TBC1D19: variants seen among roughly 807,000 people sequenced by gnomAD.
The protein encoded by TBC1D19 is TBC1 domain family, member 19.
TBC1D19 carries 60 observed loss-of-function variants against 89.0 expected under a neutral mutation model. That is an observed-to-expected ratio of 0.67 (90% CI 0.55 to 0.84). TBC1D19 has a LOEUF of 0.84. Among genes scored for constraint, TBC1D19 ranks in the 40% least tolerant of loss-of-function variants. The pLI, the probability that TBC1D19 is intolerant of heterozygous loss-of-function variation, is 0.00. For synonymous variants in TBC1D19, 189 were observed against 199.7 expected, an observed-to-expected ratio of 0.95 and a Z score of 0.45; for missense variants, 500 against 610.8, an observed-to-expected ratio of 0.82 and a Z score of 1.91.
At chr4:26,807,363 C>T in the TBC1D19 span, among the ~76,000 whole-genome samples, 64 of 152,350 alleles carry the variant, frequency 4.2e-4, no homozygotes, top group African/African-American at 1.5e-3. Context: ...CGTTGAAACC[C>T]ATCCACTGGT....
Position 26,622,506 on chromosome 4 carries a change from TC to T in TBC1D19, c.294+1820del, listed in dbSNP as rs547451906. 2.0e-5 allele frequency among the ~76,000 whole-genome samples: 3 copies of T among 152,262 alleles called. No individual in the cohort carries two copies. In the South Asian group the frequency reaches 6.2e-4, roughly 32 times the overall value. On this transcript the variant is annotated intron_variant, in intron 4 of 20. Coordinates refer to ENST00000264866, the MANE Select transcript of TBC1D19 (RefSeq NM_018317.4). ...TGAGTGATAGGTACACGTATGATAC[TC>T]CTCTCTTTTCTTTCTGGACTTTCCC...
chr4:26,667,437 A>G (rs887168274), intron 9 of TBC1D19, among the ~76,000 whole-genome samples: 1 of 152,054 alleles, frequency 6.6e-6, no homozygotes, highest in African/African-American at 2.4e-5. Flanking sequence ...TGAACTTCAT[A>G]TGAATAGAAG....
chr4:26,787,324 A>G, the TBC1D19 span, among the ~76,000 whole-genome samples: 1 of 151,790 alleles, frequency 6.6e-6, no homozygotes, highest in South Asian at 2.1e-4. Flanking sequence ...GTGGTCTCAA[A>G]CTCCTGAGCT....
chr4:26,686,763 G>C (rs1225128368), intron 12 of TBC1D19, among the ~76,000 whole-genome samples: 1 of 152,102 alleles, frequency 6.6e-6, no homozygotes, highest in African/African-American at 2.4e-5. Context: ...AGGCTGGACT[G>C]TTTCTTTCTC....
chr4:26,684,598 G>T (rs1713648229), intron 12 of TBC1D19, among the ~76,000 whole-genome samples: 1 of 152,120 alleles, frequency 6.6e-6, no homozygotes, highest in Admixed American at 6.5e-5. Flanking sequence ...AGATTGGTCT[G>T]GTGTAGCTAA....
chr4:26,789,953 G>C, the TBC1D19 span, among the ~76,000 whole-genome samples: 1 of 152,108 alleles, frequency 6.6e-6, no homozygotes, highest in Admixed American at 6.6e-5. Context: ...TTTAAATATT[G>C]CATGTTCTCA....
At chr4:26,851,280 T>A in the TBC1D19 span, among the ~76,000 whole-genome samples, 1 of 132,450 alleles carries the variant, frequency 7.6e-6, no homozygotes, top group South Asian at 2.3e-4. Flanking sequence ...CATAATGGCA[T>A]GAGCCAATTC....
chr4:26,581,439 T>C (rs1415383005), upstream of TBC1D19, among the ~76,000 whole-genome samples: 1 of 152,196 alleles, frequency 6.6e-6, no homozygotes. Context: ...TGTGTTCTCA[T>C]GGCTCGACTC....
chr4:26,695,731 A>G (rs976040827), intron 13 of TBC1D19, among the ~76,000 whole-genome samples: 9 of 152,236 alleles, frequency 5.9e-5, no homozygotes, highest in African/African-American at 2.2e-4. Context: ...AGAATTTTCA[A>G]CCCAGAATTT....
intron 1 of TBC1D19, among the ~76,000 whole-genome samples, chr4:26,593,731 G>A (rs1038000334): frequency 4.6e-5 from 7 of 152,116 alleles, no homozygotes; most frequent in Admixed American, 1.3e-4. Context: ...CAAAAGACAC[G>A]TGAAATAATG....
At chr4:26,796,018 T>A in the TBC1D19 span, among the ~76,000 whole-genome samples, 1 of 152,202 alleles carries the variant, frequency 6.6e-6, no homozygotes, top group African/African-American at 2.4e-5. Context: ...ACACATTGAA[T>A]CTTGCTTCTG....
the TBC1D19 span, among the ~76,000 whole-genome samples, chr4:26,826,780 G>T: frequency 6.6e-6 from 1 of 152,218 alleles, no homozygotes; most frequent in Admixed American, 6.5e-5. Flanking sequence ...CCGGTGGCGG[G>T]TGGATGTTTA....
At chr4:26,650,229 G>A (rs1226221972) in intron 7 of TBC1D19, among the ~76,000 whole-genome samples, 11 of 152,036 alleles carry the variant, frequency 7.2e-5, no homozygotes, top group East Asian at 5.8e-4. Context: ...TATATACCCC[G>A]TAATGGAATG....
At chr4:26,641,760 G>A (rs1743556530) in intron 7 of TBC1D19, among the ~76,000 whole-genome samples, 1 of 152,136 alleles carries the variant, frequency 6.6e-6, no homozygotes, top group Admixed American at 6.5e-5. Flanking sequence ...GAAAACCATG[G>A]CACGAGAACT....
intron 1 of TBC1D19, among the ~76,000 whole-genome samples, chr4:26,579,076 G>A (rs750104202): frequency 2.0e-5 from 3 of 152,116 alleles, no homozygotes; most frequent in Non-Finnish European, 4.4e-5. Flanking sequence ...CTAAGCAAAT[G>A]CCACCTAGAT....
chr4:26,691,865 A>G (rs777790270), intron 13 of TBC1D19, among the ~76,000 whole-genome samples: 13 of 152,244 alleles, frequency 8.5e-5, no homozygotes, highest in Non-Finnish European at 1.3e-4. Context: ...TCAGAAATAC[A>G]GAGTGGAAAT....
the TBC1D19 span, among the ~76,000 whole-genome samples, chr4:26,797,588 G>A: frequency 1.3e-5 from 2 of 152,104 alleles, no homozygotes; most frequent in African/African-American, 2.4e-5. Context: ...AATAGCCAAA[G>A]TAATCCTAAG....
chr4:26,850,589 G>C, the TBC1D19 span, among the ~76,000 whole-genome samples: 1 of 144,864 alleles, frequency 6.9e-6, no homozygotes, highest in East Asian at 2.0e-4. Context: ...AAAGAAAAAG[G>C]GGAAATTTAG....
chr4:26,856,926 TAA>T, the TBC1D19 span, among the ~76,000 whole-genome samples: 1 of 152,226 alleles, frequency 6.6e-6, no homozygotes, highest in African/African-American at 2.4e-5. Context: ...GAGCGGCTTT[TAA>T]AAAACTATGT....
Sources: allele counts gnomAD v4.1 joint callset (sites outside exome capture counted in the v4.1 genomes callset), GRCh38; gene constraint gnomAD v4.1.1; transcripts MANE v1.5; gene names NCBI Gene and HGNC (gene_info 2026-07-23, HGNC 2026-07-21).